Variants in BCL11B observed in about 807,000 individuals in gnomAD.
BCL11B encodes the protein BCL11 transcription factor B, also known as B-cell lymphoma/leukemia 11B.
In BCL11B, 8 loss-of-function variants were observed where a neutral mutation model predicts 49.9. The observed-to-expected ratio is 0.16, with a 90% CI of 0.09 to 0.29. BCL11B has a LOEUF of 0.29. BCL11B is among the 10% of genes least tolerant of loss of function. The pLI is 1.00. For synonymous variants in BCL11B, 739 were observed against 637.4 expected, an observed-to-expected ratio of 1.16 and a Z score of -2.40; for missense variants, 1,006 against 1,351.0, an observed-to-expected ratio of 0.74 and a Z score of 4.00.
At chr14:99,243,274 T>G (rs1257019193) in intron 2 of BCL11B, among the ~76,000 whole-genome samples, 1 of 152,000 alleles carries the variant, frequency 6.6e-6, no homozygotes, top group Admixed American at 6.6e-5. Flanking sequence ...GTTACTAAAT[T>G]GAAAAACCAA....
chr14:99,260,852 G>A (rs986127321), intron 1 of BCL11B, among the ~76,000 whole-genome samples: 2 of 151,842 alleles, frequency 1.3e-5, no homozygotes, highest in African/African-American at 2.4e-5. Flanking sequence ...CCCTGTTGGC[G>A]TCCCCGAGAC....
rs1887753462 is a variant in BCL11B, at chr14:99,213,762, C to T, written c.640+17583G>A. ...ACTTGGGGCACATCCTGTCCCCTCT[C>T]TGGGGCACTGCTTGGAGAGCATCTG... On this transcript the variant is annotated intron_variant, in intron 3 of 3. Coordinates refer to ENST00000357195, the MANE Select transcript of BCL11B (RefSeq NM_138576.4). This position sits in a 1 kb window ranked among gnomAD's most constrained non-coding sequence, Gnocchi z 5.1. 6.6e-6 allele frequency among the ~76,000 whole-genome samples: 1 copy of T among 152,228 alleles called. No individual in the cohort carries two copies. The highest frequency in any genetic ancestry group is 1.5e-5 in the Non-Finnish European group (1 of 68,046).
chr14:99,264,201 T>A (rs1015686862), intron 1 of BCL11B: 1 of 152,200 alleles, frequency 6.6e-6, no homozygotes, highest in Non-Finnish European at 1.5e-5. Flanking sequence ...CTGGAGGAGT[T>A]TGGATTATCT....
intron 2 of BCL11B, among the ~76,000 whole-genome samples, chr14:99,244,676 T>C (rs1888772841): frequency 6.6e-6 from 1 of 152,206 alleles, no homozygotes; most frequent in Admixed American, 6.5e-5. Context: ...ATTTGTTACC[T>C]TTTCCGGAGG....
At chr14:99,199,683 T>TGTGTGCGCGCGCGC (rs759599743) in intron 3 of BCL11B, among the ~76,000 whole-genome samples, 71 of 73,724 alleles carry the variant, frequency 9.6e-4, no homozygotes, top group African/African-American at 2.2e-3. Context: ...TGTGTGTGTG[T>TGTGTGCGCGCGCGC]GCGCGCGCGC....
intron 2 of BCL11B, among the ~76,000 whole-genome samples, chr14:99,253,299 G>C (rs1889061070): frequency 6.6e-6 from 1 of 152,238 alleles, no homozygotes. Flanking sequence ...ACAAAAGGCA[G>C]AATGGACGGG....
At chr14:99,190,910 G>C (rs1488731294) in intron 3 of BCL11B, among the ~76,000 whole-genome samples, 2 of 151,664 alleles carry the variant, frequency 1.3e-5, no homozygotes, top group Non-Finnish European at 2.9e-5. Flanking sequence ...GGCCACACGG[G>C]GGGGGTCACC....
chr14:99,225,641 TA>T (rs543068701), intron 3 of BCL11B, among the ~76,000 whole-genome samples: 32 of 151,314 alleles, frequency 2.1e-4, no homozygotes, highest in African/African-American at 3.6e-4. Context: ...AGACAGCTAT[TA>T]AAAAAAAAGG....
chr14:99,208,727 G>A (rs1183191565), intron 3 of BCL11B, among the ~76,000 whole-genome samples: 1 of 152,220 alleles, frequency 6.6e-6, no homozygotes, highest in Admixed American at 6.5e-5. Context: ...AGGCATTTCT[G>A]GCCCAAGACA....
chr14:99,230,265 A>G lies in BCL11B; in HGVS notation c.640+1080T>C, dbSNP rs115645183. Among the ~76,000 whole-genome samples the G allele has an allele frequency of 9.5e-3, 1,442 of 152,320 alleles. 26 individuals carry two copies. The highest frequency in any genetic ancestry group is 0.033 in the African/African-American group (1,383 of 41,562). ...GGGACCGCCTGTGGGGACAGCTTCA[A>G]TTAAAAACACAACCTGCCCAATAAA... On this transcript the variant is annotated intron_variant, in intron 3 of 3. Coordinates refer to ENST00000357195, the MANE Select transcript of BCL11B (RefSeq NM_138576.4).
chr14:99,249,750 C>G (rs2139935617), intron 2 of BCL11B, among the ~76,000 whole-genome samples: 1 of 152,264 alleles, frequency 6.6e-6, no homozygotes, highest in Middle Eastern at 3.4e-3. Context: ...ATCATAAGGT[C>G]ATAGGGAGGA....
chr14:99,219,928 A>G (rs1257441), intron 3 of BCL11B, among the ~76,000 whole-genome samples: 94,633 of 151,900 alleles, frequency 0.62, 30,318 homozygotes, highest in Non-Finnish European at 0.7. Flanking sequence ...GGTAGCCCCC[A>G]GCAGTCCAGT....
In BCL11B at chr14:99,229,003, A is replaced by AATGGATGGATGGATGGATGG. The variant is rs546394639; in HGVS notation, c.640+2322_640+2341dup. ...GGATGGATGGATGGCTACATGGATG[A>AATGGATGGATGGATGGATGG]ATGGATGGATGGATGGATGGATGGA... On this transcript the variant is annotated intron_variant, in intron 3 of 3. Coordinates refer to ENST00000357195, the MANE Select transcript of BCL11B (RefSeq NM_138576.4). Among the ~76,000 whole-genome samples the AATGGATGGATGGATGGATGG allele has an allele frequency of 2.7e-4, 29 of 107,644 alleles. No individual in the cohort carries two copies. In the East Asian group the frequency reaches 6.0e-3, roughly 22 times the overall value. The allele number at this position is 107,644 out of a possible 152,430, so 70.6% of individuals were successfully genotyped here.
intron 3 of BCL11B, among the ~76,000 whole-genome samples, chr14:99,191,509 C>T (rs1350112783): frequency 6.6e-6 from 1 of 152,024 alleles, no homozygotes; most frequent in East Asian, 1.9e-4. Context: ...AGGAGGGGCC[C>T]ACACCATCTA....
chr14:99,237,890 G>A (rs996172459), intron 2 of BCL11B, among the ~76,000 whole-genome samples: 20 of 152,144 alleles, frequency 1.3e-4, no homozygotes, highest in African/African-American at 4.8e-4. Flanking sequence ...AACCATCTAG[G>A]CCCTAATGGA....
At position 99,194,229 on chromosome 14, in the gene BCL11B, A is replaced by G. The variant is rs569186723; in HGVS notation, c.641-18034T>C. 6.6e-6 allele frequency among the ~76,000 whole-genome samples: 1 copy of G among 152,030 alleles called. No homozygotes were observed. Among genetic ancestry groups the G allele is most frequent in the Non-Finnish European group, 1.5e-5 (1 of 68,016 alleles). On this transcript the variant is annotated intron_variant, in intron 3 of 3. Transcript: ENST00000357195. This position sits in a 1 kb window ranked among gnomAD's most constrained non-coding sequence, Gnocchi z 4.6. ...TCCTCCCTCCTCACAGCCCCAGCAC[A>G]GAGCAAGTGCTGCTGGCCCCGGACT...
At position 99,172,789 on chromosome 14, in the gene BCL11B, T is replaced by C. The variant is rs1345899781; in HGVS notation, c.*1362A>G. 1.4e-5 allele frequency: 3 copies of C among 216,906 alleles called. No homozygotes were observed. The highest frequency in any genetic ancestry group is 2.8e-5 in the Non-Finnish European group (3 of 107,698). The allele number at this position is 216,906 out of a possible 1,614,324, so 13.4% of individuals were successfully genotyped here. On this transcript the variant is annotated 3_prime_UTR_variant, in exon 4 of 4. Coordinates refer to ENST00000357195, the MANE Select transcript of BCL11B (RefSeq NM_138576.4). ...GCTTTAAAGTGCGGGTCAACAGAAT[T>C]CAAATGTCTAATCTTAACAGTTCAA... is the stretch of plus-strand genomic sequence containing the variant.
At chr14:99,176,254 G>C in intron 3 of BCL11B, 59 bp from the exon 4 acceptor site, 1 of 1,490,444 alleles carries the variant, frequency 6.7e-7, no homozygotes, top group Non-Finnish European at 9.1e-7. Context: ...GCGGGGCGCG[G>C]GCACCGCAGG....
At chr14:99,250,163 G>A (rs1888966019) in intron 2 of BCL11B, among the ~76,000 whole-genome samples, 1 of 151,052 alleles carries the variant, frequency 6.6e-6, no homozygotes, top group South Asian at 2.1e-4. Flanking sequence ...AGCCTCCTGA[G>A]TAGCTGGGAC....
Sources: gnomAD v4.1 joint callset for allele counts (sites outside exome capture counted in the v4.1 genomes callset) on GRCh38, gnomAD v4.1.1 for gene constraint, Gnocchi (gnomAD v3.1) non-coding constraint, MANE v1.5 for transcripts, NCBI Gene and HGNC (gene_info 2026-07-23, HGNC 2026-07-21) for gene names.